The following CCDC117 variants were observed in gnomAD, a reference collection of about 807,000 sequenced individuals.
The protein encoded by CCDC117 is coiled-coil domain containing 117, also known as coiled-coil domain-containing protein 117.
Under a neutral mutation model 23.5 loss-of-function variants are expected in CCDC117, and 1 was observed. The observed-to-expected ratio is 0.04, with a 90% CI of 0.02 to 0.20. The LOEUF is 0.20. Ranked by LOEUF, CCDC117 falls within the 10% of genes least tolerant of loss-of-function variation. The pLI is 1.00. For missense variants in CCDC117, 383 were observed against 348.2 expected, an observed-to-expected ratio of 1.10 and a Z score of -0.80; for synonymous variants, 132 against 124.8, an observed-to-expected ratio of 1.06 and a Z score of -0.39.
intron 2 of CCDC117, among the ~76,000 whole-genome samples, chr22:28,780,147 T>G (rs141280059): frequency 1.1e-4 from 17 of 152,302 alleles, no homozygotes; most frequent in Non-Finnish European, 1.6e-4. Flanking sequence ...AGGTCCTAGT[T>G]TCCAAATAAA....
intron 2 of CCDC117, among the ~76,000 whole-genome samples, chr22:28,776,423 C>G (rs912026448): frequency 6.6e-6 from 1 of 151,156 alleles, no homozygotes; most frequent in African/African-American, 2.4e-5. Context: ...TATTGTATAT[C>G]TTTTCTTTTT....
intron 3 of CCDC117, among the ~76,000 whole-genome samples, chr22:28,782,317 T>C (rs1192843355): frequency 7.1e-6 from 1 of 140,872 alleles, no homozygotes; most frequent in Non-Finnish European, 1.5e-5. Context: ...AGTACAATGG[T>C]GTGAACTCGG....
chr22:28,773,775 ATGAG>A lies in CCDC117; in HGVS notation c.238_239+2del. 3 of 1,613,356 alleles carry A rather than the reference ATGAG, an allele frequency of 1.9e-6. No homozygotes were observed. Among genetic ancestry groups the A allele is most frequent in the Non-Finnish European group, 2.5e-6 (3 of 1,179,248 alleles). ...CACAAGCGAGAGGAGGAGGAGGATGATGAGTAAGTTTCAGTGGTTGTTTATTCAC... is the reference window on the plus strand; with the variant it reads ...CACAAGCGAGAGGAGGAGGAGGATGATAAGTTTCAGTGGTTGTTTATTCAC... On this transcript the variant is annotated splice_donor_variant and coding_sequence_variant, in exon 2 of 5. Transcript: ENST00000249064. LOFTEE classifies it high-confidence loss of function.
In CCDC117 at chr22:28,772,811, GGCCGAGGCC is replaced by G. The variant is rs1412104528; in HGVS notation, c.-34_-26del. ...GGCTGCCGGGCCTGGGGACGCGGGC[GGCCGAGGCC>G]GCCGTCGCAGCCTCCTCGTCTCGCC... On this transcript the variant is annotated 5_prime_UTR_variant, in exon 1 of 5. Coordinates refer to ENST00000249064, the MANE Select transcript of CCDC117 (RefSeq NM_173510.4). 15 of 1,218,794 alleles carry G rather than the reference GGCCGAGGCC, an allele frequency of 1.2e-5. No homozygotes were observed. Among genetic ancestry groups the G allele is most frequent in the Non-Finnish European group, 1.3e-5 (13 of 979,184 alleles). 75.5% of individuals were successfully genotyped at this position (1,218,794 alleles called of 1,614,324 possible).
chr22:28,778,612 A>G (rs1397338425), intron 2 of CCDC117, among the ~76,000 whole-genome samples: 1 of 152,216 alleles, frequency 6.6e-6, no homozygotes, highest in East Asian at 1.9e-4. Context: ...TGTGGATAAC[A>G]CAGGAAACTT....
Position 28,786,771 on chromosome 22 carries a change from A to G in CCDC117, c.*445A>G, listed in dbSNP as rs978794013. On this transcript the variant is annotated 3_prime_UTR_variant, in exon 5 of 5. Transcript: ENST00000249064. Reference sequence around the variant, plus strand: ...ATATGAGCTGTTTACAGTGGTGACTATATATAATTGGGGAGAAGAAGGGAA... The same window carrying G: ...ATATGAGCTGTTTACAGTGGTGACTGTATATAATTGGGGAGAAGAAGGGAA... 2 of 157,230 alleles carry G rather than the reference A, an allele frequency of 1.3e-5. No individual in the cohort carries two copies. The highest frequency in any genetic ancestry group is 4.8e-5 in the African/African-American group (2 of 41,458). 9.7% of individuals were successfully genotyped at this position (157,230 alleles called of 1,614,324 possible). A position where few individuals can be genotyped will look rare whatever the true frequency, so the allele number is the denominator to read the frequency against.
intron 1 of CCDC117, 91 bp downstream of exon 1, chr22:28,773,125 CT>C: frequency 1.8e-6 from 1 of 570,306 alleles, no homozygotes; most frequent in Non-Finnish European, 2.2e-6. Context: ...GGGGCGCGGG[CT>C]CCGCGCCGGG....
At chr22:28,776,996 AGGC>A (rs2031180989) in intron 2 of CCDC117, among the ~76,000 whole-genome samples, 1 of 151,562 alleles carries the variant, frequency 6.6e-6, no homozygotes, top group Non-Finnish European at 1.5e-5. Context: ...CTAGGATTAC[AGGC>A]GTGAGCTACT....
In CCDC117 at chr22:28,781,000, A is replaced by G. The variant is rs1232462279; in HGVS notation, c.292A>G (p.Asn98Asp). The G allele has an allele frequency of 6.2e-7, 1 of 1,613,964 alleles. No individual in the cohort carries two copies. The highest frequency in any genetic ancestry group is 8.5e-7 in the Non-Finnish European group (1 of 1,180,006). Reference sequence around the variant, plus strand: ...TGAAGCAGAGCTCTGTGCTGGTCCTAATGACTGGATTCTTTGTGCACATCA... The same window carrying G: ...TGAAGCAGAGCTCTGTGCTGGTCCTGATGACTGGATTCTTTGTGCACATCA... ...ITEAELCAGP[N>D]DWILCAHQDV... Residue 98 changes from asparagine (N) to aspartate (D), a missense_variant, in exon 3 of 5, where the codon AAT (asparagine) becomes GAT (aspartate). By Grantham distance (23) the Asn-to-Asp change is conservative (BLOSUM62 1). Coordinates refer to ENST00000249064, the MANE Select transcript of CCDC117 (RefSeq NM_173510.4).
intron 2 of CCDC117, among the ~76,000 whole-genome samples, chr22:28,779,885 A>G (rs2206061): frequency 0.05 from 7,563 of 152,298 alleles, 265 homozygotes; most frequent in South Asian, 0.12. Flanking sequence ...CTTTTGGTCT[A>G]CGTACATAAT....
intron 3 of CCDC117, 138 bp from the exon 4 acceptor site, chr22:28,783,370 C>T (rs1241607916): frequency 5.4e-6 from 4 of 742,364 alleles, no homozygotes; most frequent in African/African-American, 5.3e-5. Context: ...CAGGTATAGC[C>T]TCATTTTTTG....
In CCDC117 at chr22:28,787,409, G is replaced by A. The variant is rs190021182; in HGVS notation, c.*1083G>A. On this transcript the variant is annotated 3_prime_UTR_variant, in exon 5 of 5. Transcript: ENST00000249064. ...CCACCCCAGCCTCCCAAAATGCTGG[G>A]ATTACAGGCGTGAGCCACGGCACGC... The A allele has an allele frequency of 6.6e-6, 1 of 152,286 alleles. No individual in the cohort carries two copies. Among genetic ancestry groups the A allele is most frequent in the African/African-American group, 2.4e-5 (1 of 41,560 alleles). 9.4% of individuals were successfully genotyped at this position (152,286 alleles called of 1,614,324 possible). A position where few individuals can be genotyped will look rare whatever the true frequency, so the allele number is the denominator to read the frequency against.
intron 1 of CCDC117, 77 bp downstream of exon 1, chr22:28,773,111 GGCAGGGGCGCGGGCTCCGCGCC>G (rs2031045758): frequency 5.5e-6 from 4 of 731,150 alleles, no homozygotes; most frequent in Non-Finnish European, 6.7e-6. Flanking sequence ...GGCGGGCGCG[GGCAGGGGCGCGGGCTCCGCGCC>G]GGGGCTTTTT....
chr22:28,774,549 A>G (rs2031107175), intron 2 of CCDC117, among the ~76,000 whole-genome samples: 1 of 151,608 alleles, frequency 6.6e-6, no homozygotes, highest in African/African-American at 2.4e-5. Flanking sequence ...TTTTTTAAAA[A>G]ATTTTTTGTA....
At chr22:28,780,274 T>C (rs979277135) in intron 2 of CCDC117, among the ~76,000 whole-genome samples, 1 of 152,204 alleles carries the variant, frequency 6.6e-6, no homozygotes, top group Non-Finnish European at 1.5e-5. Flanking sequence ...TGGACACTGA[T>C]AGAGCCTCTG....
Position 28,772,923 on chromosome 22 carries a change from C to T in CCDC117, c.74C>T (p.Pro25Leu), listed in dbSNP as rs1355690023. The T allele has an allele frequency of 2.5e-6, 3 of 1,224,162 alleles. No individual in the cohort carries two copies. The highest frequency in any genetic ancestry group is 3.1e-6 in the Non-Finnish European group (3 of 982,786). 75.8% of individuals were successfully genotyped at this position (1,224,162 alleles called of 1,614,324 possible). ...TCGGACTTCCTGCAGCCGCCGCAGC[C>T]GGCCTTCCCCGGCCGGGCCTTCCCG... ...GGSDFLQPPQ[P>L]AFPGRAFPPG... The change falls in exon 1 of 5, where the codon CCG (proline) becomes CTG (leucine). Residue 25 changes from proline (P) to leucine (L), a missense_variant. Pro to Leu is a moderately conservative substitution (Grantham distance 98, BLOSUM62 -3). Coordinates refer to ENST00000249064, the MANE Select transcript of CCDC117 (RefSeq NM_173510.4).
Position 28,781,037 on chromosome 22 carries a change from G to A in CCDC117, c.329G>A (p.Gly110Glu), listed in dbSNP as rs2031300053. Reference protein sequence around the residue: ...WILCAHQDVEGHGVNPSVSGL... With the variant: ...WILCAHQDVEEHGVNPSVSGL... ...CTTTGTGCACATCAGGATGTAGAGG[G>A]GCATGGAGTAAATCCCAGTGTTAGT... The change falls in exon 3 of 5, where the codon GGG (glycine) becomes GAG (glutamate). Residue 110 changes from glycine to glutamate, a missense_variant. Gly to Glu is a moderately conservative substitution (Grantham distance 98). Transcript: ENST00000249064. 1.2e-6 allele frequency: 2 copies of A among 1,613,808 alleles called. No homozygotes were observed. Among genetic ancestry groups the A allele is most frequent in the African/African-American group, 1.3e-5 (1 of 74,878 alleles).
At position 28,772,864 on chromosome 22, in the gene CCDC117, C is replaced by A; in HGVS notation, c.15C>A (p.Gly5=). Residue 5 remains glycine (G), a synonymous_variant, in exon 1 of 5, where the codon GGC becomes GGA. Coordinates refer to ENST00000249064, the MANE Select transcript of CCDC117 (RefSeq NM_173510.4). ...TCTCGCCGGCTATGGCTGCGCTCGG[C>A]CGGCCCTTCAGCGGCCTCCCTCTGA... is the stretch of plus-strand genomic sequence containing the variant. MAAL[G]RPFSGLPLSG... 1.6e-6 allele frequency: 2 copies of A among 1,233,660 alleles called. No individual in the cohort carries two copies. The highest frequency in any genetic ancestry group is 2.0e-6 in the Non-Finnish European group (2 of 988,050). 76.4% of individuals were successfully genotyped at this position (1,233,660 alleles called of 1,614,324 possible).
At chr22:28,779,018 TGGACTCTCA>T (rs2031247783) in intron 2 of CCDC117, among the ~76,000 whole-genome samples, 1 of 152,096 alleles carries the variant, frequency 6.6e-6, no homozygotes, top group African/African-American at 2.4e-5. Context: ...TTTGGGGATG[TGGACTCTCA>T]CTGTGTTGCT....
Sources: allele counts gnomAD v4.1 joint callset (sites outside exome capture counted in the v4.1 genomes callset), GRCh38; gene constraint gnomAD v4.1.1; transcripts MANE v1.5; gene names NCBI Gene and HGNC (gene_info 2026-07-23, HGNC 2026-07-21).